GALNT17: variants seen among roughly 807,000 people sequenced by gnomAD.
GALNT17 encodes the protein UDP-GalNAc:polypeptide N-acetylgalactosaminyltransferase-like 3.
GALNT17 carries 29 observed loss-of-function variants against 63.7 expected under a neutral mutation model. That is an observed-to-expected ratio of 0.46 (90% CI 0.34 to 0.62). The LOEUF is 0.62. Ranked by LOEUF, GALNT17 falls within the 20% of genes least tolerant of loss-of-function variation. GALNT17 has a pLI of 0.01. For synonymous variants in GALNT17, 305 were observed against 318.3 expected, an observed-to-expected ratio of 0.96 and a Z score of 0.45; for missense variants, 603 against 799.6, an observed-to-expected ratio of 0.75 and a Z score of 2.97.
Position 71,570,918 on chromosome 7 carries a change from C to T in GALNT17, c.963-367C>T, listed in dbSNP as rs187666994. Among the ~76,000 whole-genome samples, 1,215 of 152,126 alleles carry T rather than the reference C, an allele frequency of 8.0e-3. 4 individuals are homozygous for T. The highest frequency in any genetic ancestry group is 0.011 in the Non-Finnish European group (743 of 67,998). ...GCTTGAACCTGGGAGGTGGAGGTTGCGGTGAGCCAAGATTGTATCATTGCA... is the reference window on the plus strand; with the variant it reads ...GCTTGAACCTGGGAGGTGGAGGTTGTGGTGAGCCAAGATTGTATCATTGCA... On this transcript the variant is annotated intron_variant, in intron 5 of 10. Transcript: ENST00000333538.
chr7:71,184,459 C>T (rs1482529828), intron 1 of GALNT17, among the ~76,000 whole-genome samples: 1 of 152,174 alleles, frequency 6.6e-6, no homozygotes, highest in Admixed American at 6.5e-5. Context: ...AGCCCATCTG[C>T]TGGCTGATGT....
At chr7:71,447,908 C>T (rs978720860) in intron 5 of GALNT17, among the ~76,000 whole-genome samples, 3 of 152,222 alleles carry the variant, frequency 2.0e-5, no homozygotes, top group Non-Finnish European at 4.4e-5. Flanking sequence ...GCTATGGCCT[C>T]ATCCATCAGG....
At chr7:71,677,516 ATT>A (rs34765236) in intron 9 of GALNT17, among the ~76,000 whole-genome samples, 11 of 141,990 alleles carry the variant, frequency 7.7e-5, no homozygotes, top group Non-Finnish European at 1.1e-4. Context: ...CAGCATGCAG[ATT>A]TTTTTTTTTT....
At chr7:71,709,431 A>G (rs1791761011) in intron 9 of GALNT17, among the ~76,000 whole-genome samples, 1 of 152,178 alleles carries the variant, frequency 6.6e-6, no homozygotes, top group Non-Finnish European at 1.5e-5. Context: ...TGAACATTTT[A>G]AAAGAACGAA....
intron 6 of GALNT17, among the ~76,000 whole-genome samples, chr7:71,619,765 G>A (rs1021899939): frequency 6.6e-6 from 1 of 152,074 alleles, no homozygotes; most frequent in Non-Finnish European, 1.5e-5. Context: ...TTTTTTTCCT[G>A]TTGGATGCCT....
intron 1 of GALNT17, among the ~76,000 whole-genome samples, chr7:71,272,256 TG>T (rs145286571): frequency 0.036 from 5,424 of 152,300 alleles, 112 homozygotes; most frequent in South Asian, 0.06. Flanking sequence ...GTTTCCAGTT[TG>T]GGGGAATCAT....
At chr7:71,703,360 G>T (rs1027246954) in intron 9 of GALNT17, among the ~76,000 whole-genome samples, 6 of 152,182 alleles carry the variant, frequency 3.9e-5, no homozygotes, top group Non-Finnish European at 5.9e-5. Context: ...AGCAGGAGCA[G>T]GCACATCAAT....
intron 1 of GALNT17, among the ~76,000 whole-genome samples, chr7:71,230,947 G>A (rs1342842803): frequency 4.6e-5 from 7 of 152,184 alleles, no homozygotes; most frequent in Non-Finnish European, 8.8e-5. Context: ...AAACTGTAGC[G>A]TGAGGACCAG....
intron 5 of GALNT17, among the ~76,000 whole-genome samples, chr7:71,427,044 A>G (rs1045049998): frequency 2.6e-5 from 4 of 151,904 alleles, no homozygotes; most frequent in African/African-American, 9.7e-5. Context: ...CGTTTATTGA[A>G]TGCATATTGA....
intron 5 of GALNT17, among the ~76,000 whole-genome samples, chr7:71,492,918 C>CTAT (rs1163376316): frequency 2.0e-5 from 3 of 152,196 alleles, no homozygotes; most frequent in Non-Finnish European, 4.4e-5. Context: ...AGGGGATCCG[C>CTAT]TATTTAGCAT....
At chr7:71,182,539 C>A (rs1405430342) in intron 1 of GALNT17, among the ~76,000 whole-genome samples, 1 of 152,138 alleles carries the variant, frequency 6.6e-6, no homozygotes, top group Non-Finnish European at 1.5e-5. Context: ...TCCTTGGGAT[C>A]ATTAATCAGC....
At chr7:71,285,113 A>G (rs1790849638) in intron 1 of GALNT17, among the ~76,000 whole-genome samples, 1 of 152,238 alleles carries the variant, frequency 6.6e-6, no homozygotes, top group Non-Finnish European at 1.5e-5. Flanking sequence ...AAGAAAGCCG[A>G]CAAATACCGC....
chr7:71,643,422 T>C (rs1050473311), intron 6 of GALNT17, among the ~76,000 whole-genome samples: 7 of 151,906 alleles, frequency 4.6e-5, no homozygotes, highest in Non-Finnish European at 7.4e-5. Context: ...GAGCTGAGAT[T>C]GCACCACTAC....
At chr7:71,314,314 T>C (rs2115960436) in intron 1 of GALNT17, among the ~76,000 whole-genome samples, 1 of 152,252 alleles carries the variant, frequency 6.6e-6, no homozygotes, top group South Asian at 2.1e-4. Context: ...TATTAGGCAA[T>C]AGTCATTGGA....
At chr7:71,632,901 C>G (rs1790472256) in intron 6 of GALNT17, among the ~76,000 whole-genome samples, 1 of 151,740 alleles carries the variant, frequency 6.6e-6, no homozygotes, top group Non-Finnish European at 1.5e-5. Flanking sequence ...GCCAGGAGGT[C>G]GAGATCAGCA....
chr7:71,401,044 A>C (rs1793229722), intron 3 of GALNT17, among the ~76,000 whole-genome samples: 1 of 151,808 alleles, frequency 6.6e-6, no homozygotes, highest in South Asian at 2.1e-4. Flanking sequence ...TACTATGAGA[A>C]GCTTCTTTGT....
At chr7:71,630,325 C>T (rs1289916119) in intron 6 of GALNT17, among the ~76,000 whole-genome samples, 6 of 152,246 alleles carry the variant, frequency 3.9e-5, no homozygotes, top group South Asian at 2.1e-4. Flanking sequence ...GGCAAACTCC[C>T]GTGCCAAAAA....
intron 3 of GALNT17, among the ~76,000 whole-genome samples, chr7:71,400,861 G>T (rs1351507051): frequency 6.6e-6 from 1 of 152,154 alleles, no homozygotes; most frequent in East Asian, 1.9e-4. Context: ...TGACAAGATG[G>T]GTATTGGTGC....
chr7:71,249,799 T>C (rs765447229), intron 1 of GALNT17, among the ~76,000 whole-genome samples: 34 of 152,388 alleles, frequency 2.2e-4, no homozygotes, highest in Admixed American at 3.3e-4. Flanking sequence ...TAATAAATTA[T>C]GATACTCGCT....
Sources: gnomAD v4.1 joint callset for allele counts (sites outside exome capture counted in the v4.1 genomes callset) on GRCh38, gnomAD v4.1.1 for gene constraint, MANE v1.5 for transcripts, NCBI Gene and HGNC (gene_info 2026-07-23, HGNC 2026-07-21) for gene names.